The following EFNA5 variants were observed in gnomAD, a reference collection of about 807,000 sequenced individuals.
The protein encoded by EFNA5 is ephrin-A5.
A neutral mutation model predicts 22.9 loss-of-function variants in EFNA5; 5 were observed. The ratio of observed to expected loss-of-function variants is 0.22; its 90% CI spans 0.11 to 0.46. The LOEUF is 0.46. Among genes scored for constraint, EFNA5 ranks in the 20% least tolerant of loss-of-function variants. The pLI is 0.99. For synonymous variants in EFNA5, 113 were observed against 112.2 expected (o/e 1.01, Z -0.04); for missense variants, 237 against 293.3 (o/e 0.81, Z 1.40).
At chr5:107,642,549 G>GC (rs1750550938) in intron 1 of EFNA5, among the ~76,000 whole-genome samples, 1 of 151,106 alleles carries the variant, frequency 6.6e-6, no homozygotes, top group Non-Finnish European at 1.5e-5. Context: ...TCCCTGGAAC[G>GC]CAAGTGAGTT....
chr5:107,437,378 C>A (rs1308250426), intron 1 of EFNA5, among the ~76,000 whole-genome samples: 1 of 152,072 alleles, frequency 6.6e-6, no homozygotes, highest in Non-Finnish European at 1.5e-5. Context: ...CCAGTTAGGA[C>A]CTTGTGAGCA....
intron 1 of EFNA5, among the ~76,000 whole-genome samples, chr5:107,637,849 A>G (rs2112541537): frequency 6.6e-6 from 1 of 150,632 alleles, no homozygotes; most frequent in East Asian, 1.9e-4. Context: ...TTATTTATTT[A>G]TTTATTTATT....
chr5:107,464,512 A>G (rs1749925079), intron 1 of EFNA5, among the ~76,000 whole-genome samples: 1 of 152,144 alleles, frequency 6.6e-6, no homozygotes. Context: ...CGGAGAAACA[A>G]AGCATCACAG....
At chr5:107,460,475 G>C (rs756040977) in intron 1 of EFNA5, among the ~76,000 whole-genome samples, 2 of 152,174 alleles carry the variant, frequency 1.3e-5, no homozygotes, top group Non-Finnish European at 2.9e-5. Flanking sequence ...ATGAGGCTCA[G>C]TTGCAGTCTG....
chr5:107,419,513 A>G (rs1311259701), intron 2 of EFNA5, among the ~76,000 whole-genome samples: 1 of 152,216 alleles, frequency 6.6e-6, no homozygotes, highest in African/African-American at 2.4e-5. Flanking sequence ...AAAACTTACA[A>G]AGAAAAACTA....
chr5:107,419,885 CA>C (rs1748608044), intron 2 of EFNA5, among the ~76,000 whole-genome samples: 1 of 152,110 alleles, frequency 6.6e-6, no homozygotes, highest in African/African-American at 2.4e-5. Flanking sequence ...CACACTGAAG[CA>C]AATATCGAGT....
At chr5:107,406,748 T>C (rs1405761850) in intron 2 of EFNA5, among the ~76,000 whole-genome samples, 2 of 152,188 alleles carry the variant, frequency 1.3e-5, no homozygotes, top group Non-Finnish European at 2.9e-5. Context: ...GTAGCTTCTA[T>C]TAAAGCAGGG....
chr5:107,549,875 G>A (rs1254453456), intron 1 of EFNA5, among the ~76,000 whole-genome samples: 1 of 152,232 alleles, frequency 6.6e-6, no homozygotes, highest in Non-Finnish European at 1.5e-5. Context: ...CACCCATGGG[G>A]TTGCCTGACC....
intron 2 of EFNA5, among the ~76,000 whole-genome samples, chr5:107,412,928 A>C (rs1287095340): frequency 6.6e-6 from 1 of 152,222 alleles, no homozygotes; most frequent in Non-Finnish European, 1.5e-5. Flanking sequence ...TGATGATAGA[A>C]ACTATTTTTG....
At chr5:107,518,023 GA>G (rs1328313239) in intron 1 of EFNA5, among the ~76,000 whole-genome samples, 1 of 152,120 alleles carries the variant, frequency 6.6e-6, no homozygotes, top group African/African-American at 2.4e-5. Flanking sequence ...GCTTTTTAAT[GA>G]AGGCACTGTA....
intron 1 of EFNA5, among the ~76,000 whole-genome samples, chr5:107,559,301 G>A (rs915042044): frequency 2.6e-5 from 4 of 152,058 alleles, no homozygotes; most frequent in African/African-American, 7.2e-5. Flanking sequence ...CTGATCATTC[G>A]TTGTGACTCT....
intron 1 of EFNA5, among the ~76,000 whole-genome samples, chr5:107,478,730 C>A (rs999141022): frequency 6.6e-6 from 1 of 152,182 alleles, no homozygotes; most frequent in Non-Finnish European, 1.5e-5. Flanking sequence ...CCTGAGTTTA[C>A]TTCTGGAACC....
chr5:107,384,179 A>G, intron 4 of EFNA5, among the ~76,000 whole-genome samples: 1 of 152,242 alleles, frequency 6.6e-6, no homozygotes, highest in Non-Finnish European at 1.5e-5. Flanking sequence ...ATCCCAATGG[A>G]AACTACACCT....
intron 1 of EFNA5, among the ~76,000 whole-genome samples, chr5:107,584,422 G>A (rs752471643): frequency 6.6e-6 from 1 of 152,160 alleles, no homozygotes; most frequent in African/African-American, 2.4e-5. Flanking sequence ...TATAGCCAAG[G>A]CACAGTCCAG....
At chr5:107,580,772 C>T (rs553950696) in intron 1 of EFNA5, among the ~76,000 whole-genome samples, 2 of 148,420 alleles carry the variant, frequency 1.3e-5, no homozygotes, top group African/African-American at 4.9e-5. Flanking sequence ...AGAAAAACAA[C>T]CACAAACACC....
At chr5:107,595,487 T>C (rs986256691) in intron 1 of EFNA5, among the ~76,000 whole-genome samples, 2 of 152,150 alleles carry the variant, frequency 1.3e-5, no homozygotes, top group Admixed American at 1.3e-4. Context: ...CCACATTTTT[T>C]TACATTCATA....
At position 107,634,852 on chromosome 5, in the gene EFNA5, C is replaced by T. The variant is rs777927661; in HGVS notation, c.125+35637G>A. Reference sequence around the variant, plus strand: ...GGTAGAACAACCCCAATAGCATATACAAGAGTGAAAGGGAAAGGAATAAAA... The same window carrying T: ...GGTAGAACAACCCCAATAGCATATATAAGAGTGAAAGGGAAAGGAATAAAA... On this transcript the variant is annotated intron_variant, in intron 1 of 4. Transcript: ENST00000333274. Among the ~76,000 whole-genome samples the T allele has an allele frequency of 5.9e-5, 9 of 151,862 alleles. 1 individual carries two copies. The highest frequency in any genetic ancestry group is 1.0e-4 in the Non-Finnish European group (7 of 67,982).
At chr5:107,641,260 A>G (rs961805218) in intron 1 of EFNA5, among the ~76,000 whole-genome samples, 2 of 151,950 alleles carry the variant, frequency 1.3e-5, no homozygotes, top group African/African-American at 4.8e-5. Flanking sequence ...CGGGAGGCTG[A>G]GGAGCAGGAA....
At chr5:107,589,018 C>T (rs1561441953) in intron 1 of EFNA5, among the ~76,000 whole-genome samples, 1 of 152,148 alleles carries the variant, frequency 6.6e-6, no homozygotes, top group Non-Finnish European at 1.5e-5. Flanking sequence ...CCTGGAACTG[C>T]CATTATTGAC....
Sources: allele counts gnomAD v4.1 joint callset (sites outside exome capture counted in the v4.1 genomes callset), GRCh38; gene constraint gnomAD v4.1.1; transcripts MANE v1.5; gene names NCBI Gene and HGNC (gene_info 2026-07-23, HGNC 2026-07-21).